The following PRDM4 variants were observed in gnomAD, a reference collection of about 807,000 sequenced individuals.
PRDM4 encodes PR domain zinc finger protein 4.
Under a neutral mutation model 62.3 loss-of-function variants are expected in PRDM4, and 38 were observed. The ratio of observed to expected loss-of-function variants is 0.61; its 90% CI spans 0.47 to 0.80. PRDM4 has a LOEUF of 0.80. Among genes scored for constraint, PRDM4 ranks in the 30% least tolerant of loss-of-function variants. The pLI is 0.00. For synonymous variants in PRDM4, 339 were observed against 348.2 expected (o/e 0.97, Z 0.30); for missense variants, 858 against 997.1 (o/e 0.86, Z 1.88).
At chr12:107,737,012 G>C (rs1890354846) in intron 11 of PRDM4, 1 of 152,254 alleles carries the variant, frequency 6.6e-6, no homozygotes, top group South Asian at 2.1e-4. Flanking sequence ...CAGCATCAGA[G>C]CCGCTGAGTG....
chr12:107,752,319 G>A lies in PRDM4; in HGVS notation c.332-110C>T, dbSNP rs976486824. 5.2e-5 allele frequency: 41 copies of A among 783,084 alleles called. No homozygotes were observed. The Middle Eastern group carries it at 8.4e-4, about 16-fold the overall frequency. The allele number at this position is 783,084 out of a possible 1,614,324, so 48.5% of individuals were successfully genotyped here. On this transcript the variant is annotated intron_variant, in intron 4 of 11. Coordinates refer to ENST00000228437, the MANE Select transcript of PRDM4 (RefSeq NM_012406.4). The stretch of plus-strand genomic sequence containing the variant: ...CATAACTAAGTTCAAATAATCTCCT[G>A]CTTCTTTAATTTAATCGATACACAC...
In PRDM4 at chr12:107,751,705, C is replaced by T. The variant is rs911764089; in HGVS notation, c.836G>A (p.Gly279Asp). The change falls in exon 5 of 12, where the codon GGC becomes GAC. Residue 279 changes from glycine to aspartate, a missense_variant. Coordinates refer to ENST00000228437, the MANE Select transcript of PRDM4 (RefSeq NM_012406.4). ...ETDHIASRVN[G>D]MSDSALSDSI... ...GTCACTGAGGGCACTGTCAGACATG[C>T]CATTGACCCGACTTGCAATGTGGTC... 3 of 1,614,048 alleles carry T rather than the reference C, an allele frequency of 1.9e-6. No homozygotes were observed. Among genetic ancestry groups the T allele is most frequent in the Non-Finnish European group, 2.5e-6 (3 of 1,180,038 alleles).
intron 11 of PRDM4, 176 bp downstream of exon 11, chr12:107,739,207 C>A: frequency 3.5e-6 from 2 of 572,266 alleles, no homozygotes; most frequent in African/African-American, 1.9e-5. Context: ...AGGATAACAC[C>A]AAAAAAAGTG....
Position 107,749,049 on chromosome 12 carries a change from TTCC to T in PRDM4, c.1126+2363_1126+2365del, listed in dbSNP as rs202117786. Among the ~76,000 whole-genome samples the T allele has an allele frequency of 4.1e-3, 623 of 152,282 alleles. 6 individuals carry two copies. Among genetic ancestry groups the T allele is most frequent in the African/African-American group, 0.013 (526 of 41,554 alleles). The stretch of plus-strand genomic sequence containing the variant: ...TTTGTGGCACAGAATGGTTCTGGGC[TTCC>T]TCCTATTTTTGATGCTCCCGTTGAG... On this transcript the variant is annotated intron_variant, in intron 5 of 11. Transcript: ENST00000228437.
rs1890233947 is a variant in PRDM4 at position 107,733,520 on chromosome 12, T to A, written c.*690A>T. ...ACCAGGTGACTTGCTCAGGCTTCCA[T>A]CAAAGCTAATTTCTTGGGCAGAGGC... On this transcript the variant is annotated 3_prime_UTR_variant, in exon 12 of 12. Transcript: ENST00000228437. 1 of 152,328 alleles carries A rather than the reference T, an allele frequency of 6.6e-6. No homozygotes were observed. Among genetic ancestry groups the A allele is most frequent in the Non-Finnish European group, 1.5e-5 (1 of 68,146 alleles). 9.4% of individuals were successfully genotyped at this position (152,328 alleles called of 1,614,324 possible).
chr12:107,751,462 T>C lies in PRDM4; in HGVS notation c.1079A>G (p.Glu360Gly), dbSNP rs758000066. ...GTTCTCCTTGTTTGAATTGGAGTCT[T>C]CCATTTGCAGTGAAGGTGATACAAA... The part of the protein sequence containing the change: ...LSFVSPSLQM[E>G]DSNSNKENMA... The change falls in exon 5 of 12, where the codon GAA (glutamate) becomes GGA (glycine). Residue 360 changes from glutamate (E) to glycine (G), a missense_variant. By Grantham distance (98) the Glu-to-Gly change is moderately conservative. Coordinates refer to ENST00000228437, the MANE Select transcript of PRDM4 (RefSeq NM_012406.4). 1 of 1,612,662 alleles carries C rather than the reference T, an allele frequency of 6.2e-7. No individual in the cohort carries two copies. Among genetic ancestry groups the C allele is most frequent in the South Asian group, 1.1e-5 (1 of 91,070 alleles).
rs1890640120 is a variant in PRDM4 at position 107,744,888 on chromosome 12, G to A, written c.1277-227C>T. Among the ~76,000 whole-genome samples, 3 of 151,810 alleles carry A rather than the reference G, an allele frequency of 2.0e-5. No homozygotes were observed. In the South Asian group the frequency reaches 6.2e-4, roughly 31 times the overall value. ...CAGCTTGGCCAACAGGGTGAAACCCGGTCTCTACTAAAAATACAAAAATTA... is the reference window on the plus strand; with the variant it reads ...CAGCTTGGCCAACAGGGTGAAACCCAGTCTCTACTAAAAATACAAAAATTA... On this transcript the variant is annotated intron_variant, in intron 6 of 11. Transcript: ENST00000228437.
At position 107,756,910 on chromosome 12, in the gene PRDM4, C is replaced by G. The variant is rs151094666; in HGVS notation, c.67G>C (p.Val23Leu). Residue 23 changes from valine to leucine, a missense_variant, in exon 3 of 12, where the codon GTG becomes CTG. Val to Leu is a conservative substitution (Grantham distance 32, BLOSUM62 1). Transcript: ENST00000228437. Reference protein sequence around the residue: ...VGMEQLTSSSVSNALPVSGSH... With the variant: ...VGMEQLTSSSLSNALPVSGSH... ...CCTGAGACTGGCAAGGCATTGCTCACAGAGGATGAAGTCAGCTGCTCCATC... is the reference window on the plus strand; with the variant it reads ...CCTGAGACTGGCAAGGCATTGCTCAGAGAGGATGAAGTCAGCTGCTCCATC... The G allele has an allele frequency of 7.4e-6, 12 of 1,614,030 alleles. No homozygotes were observed. The African/African-American group carries it at 1.6e-4, about 22-fold the overall frequency.
chr12:107,756,382 A>C (rs1593177254), intron 3 of PRDM4, among the ~76,000 whole-genome samples: 1 of 152,232 alleles, frequency 6.6e-6, no homozygotes, highest in Admixed American at 6.5e-5. Context: ...CATTAATTCT[A>C]GACCTGGTAC....
chr12:107,756,747 A>C, intron 3 of PRDM4, 85 bp downstream of exon 3: 1 of 1,496,306 alleles, frequency 6.7e-7, no homozygotes, highest in South Asian at 1.2e-5. Context: ...CTACCCTTAA[A>C]GGGGCTCTGA....
chr12:107,748,804 C>T (rs796455736), intron 5 of PRDM4, among the ~76,000 whole-genome samples: 1 of 152,058 alleles, frequency 6.6e-6, no homozygotes, highest in African/African-American at 2.4e-5. Flanking sequence ...CTAAATTGCA[C>T]GTTTAAAATG....
chr12:107,742,736 G>GT (rs772097130), intron 8 of PRDM4: 83 of 234,614 alleles, frequency 3.5e-4, no homozygotes, highest in Non-Finnish European at 5.5e-4. Context: ...AAATTCAGTG[G>GT]TAACTATATT....
At chr12:107,747,045 G>C (rs1890730726) in intron 5 of PRDM4, among the ~76,000 whole-genome samples, 1 of 152,012 alleles carries the variant, frequency 6.6e-6, no homozygotes, top group Non-Finnish European at 1.5e-5. Context: ...AGTTTGGGAG[G>C]CTGAGAAGGG....
intron 4 of PRDM4, 113 bp from the exon 5 acceptor site, chr12:107,752,322 TCTTTA>T (rs1890921528): frequency 1.3e-6 from 1 of 774,078 alleles, no homozygotes; most frequent in African/African-American, 1.8e-5. Flanking sequence ...ATCTCCTGCT[TCTTTA>T]ATTTAATCGA....
chr12:107,749,182 C>T (rs1252271972), intron 5 of PRDM4, among the ~76,000 whole-genome samples: 1 of 152,060 alleles, frequency 6.6e-6, no homozygotes, highest in East Asian at 1.9e-4. Flanking sequence ...CCACAAATAA[C>T]ATCTTAATGT....
chr12:107,760,002 A>C (rs1193780490), intron 2 of PRDM4: 2 of 152,368 alleles, frequency 1.3e-5, no homozygotes, highest in African/African-American at 4.8e-5. Flanking sequence ...GGCTTCAATA[A>C]TTTCAATGAA....
chr12:107,757,041 A>G lies in PRDM4; in HGVS notation c.12-76T>C, dbSNP rs1891086706. ...CTGTATTAAGATACTGAAGAAACTG[A>G]AACAGTGGGGATGGGGAAATGGGAC... On this transcript the variant is annotated intron_variant, in intron 2 of 11. Transcript: ENST00000228437. The G allele has an allele frequency of 6.7e-6, 10 of 1,485,542 alleles. No homozygotes were observed. The Admixed American group carries it at 7.1e-5, about 11-fold the overall frequency. 92.0% of individuals were successfully genotyped at this position (1,485,542 alleles called of 1,614,324 possible).
In PRDM4 at chr12:107,756,869, C is replaced by T. The variant is rs370718612; in HGVS notation, c.108G>A (p.Leu36=). The part of the protein sequence containing the change: ...ALPVSGSHLG[L]AASPTHSAIP... ...TGGCACTGTGAGTGGGTGAGGCAGC[C>T]AATCCCAGGTGACTTCCTGAGACTG... is the stretch of plus-strand genomic sequence containing the variant. The change falls in exon 3 of 12, where the codon TTG becomes TTA. Residue 36 remains leucine (L), a synonymous_variant. Coordinates refer to ENST00000228437, the MANE Select transcript of PRDM4 (RefSeq NM_012406.4). 1.6e-5 allele frequency: 26 copies of T among 1,614,134 alleles called. No homozygotes were observed. The African/African-American group carries it at 3.3e-4, about 21-fold the overall frequency.
rs145325057 is a variant in PRDM4, at chr12:107,734,436, T to C, written c.2180A>G (p.Lys727Arg). 421 of 1,614,178 alleles carry C rather than the reference T, an allele frequency of 2.6e-4. 1 individual carries two copies. Among genetic ancestry groups the C allele is most frequent in the Admixed American group, 1.3e-3 (80 of 60,028 alleles). The stretch of plus-strand genomic sequence containing the variant: ...ACATTTTTCACAGACATAATCCCGT[T>C]TTCCTTCATGAGAATTGAGATGCTT... ...LKKHLNSHEG[K>R]RDYVCEKCTK... The change falls in exon 12 of 12, where the codon AAA (lysine) becomes AGA (arginine). Residue 727 changes from lysine (K) to arginine (R), a missense_variant. Around this residue, in one of 3 missense-constraint regions of PRDM4, gnomAD observed 355 missense variants for 432.6 expected, o/e 0.82. Coordinates refer to ENST00000228437, the MANE Select transcript of PRDM4 (RefSeq NM_012406.4).
Sources: gnomAD v4.1 joint callset for allele counts (sites outside exome capture counted in the v4.1 genomes callset) on GRCh38, gnomAD v4.1.1 for gene constraint, gnomAD v4.1.1 regional missense constraint, MANE v1.5 for transcripts, NCBI Gene and HGNC (gene_info 2026-07-23, HGNC 2026-07-21) for gene names.